The following PLXDC2 variants were observed in gnomAD, a reference collection of about 807,000 sequenced individuals.
PLXDC2 encodes plexin domain containing 2.
Under a neutral mutation model 68.9 loss-of-function variants are expected in PLXDC2, and 40 were observed. That is an observed-to-expected ratio of 0.58 (90% CI 0.45 to 0.76). The LOEUF is 0.76. Ranked by LOEUF, PLXDC2 falls within the 30% of genes least tolerant of loss-of-function variation. The pLI, the probability that PLXDC2 is intolerant of heterozygous loss-of-function variation, is 0.00. For missense variants in PLXDC2, 644 were observed against 661.9 expected, an observed-to-expected ratio of 0.97 and a Z score of 0.30; for synonymous variants, 243 against 234.2, an observed-to-expected ratio of 1.04 and a Z score of -0.34.
At chr10:20,157,574 G>A (rs891785878) in intron 6 of PLXDC2, among the ~76,000 whole-genome samples, 3 of 152,168 alleles carry the variant, frequency 2.0e-5, no homozygotes, top group Admixed American at 2.0e-4. Context: ...AATTGTTTGG[G>A]GTTCCTGTGT....
intron 2 of PLXDC2, among the ~76,000 whole-genome samples, chr10:20,003,346 G>A (rs1371192887): frequency 6.6e-6 from 1 of 152,136 alleles, no homozygotes; most frequent in African/African-American, 2.4e-5. Flanking sequence ...GAAGGTTTTT[G>A]GTGAAAAATA....
chr10:19,916,046 G>A (rs747688942), intron 1 of PLXDC2, among the ~76,000 whole-genome samples: 22 of 151,636 alleles, frequency 1.5e-4, no homozygotes, highest in Non-Finnish European at 2.8e-4. Context: ...CATCTGACTT[G>A]GAAATGCTCT....
chr10:19,980,201 T>A (rs1834529644), intron 1 of PLXDC2, among the ~76,000 whole-genome samples: 1 of 152,218 alleles, frequency 6.6e-6, no homozygotes, highest in Admixed American at 6.5e-5. Context: ...TGACATTTCT[T>A]TTATGCTTAA....
At chr10:20,141,648 A>C (rs1254496021) in intron 4 of PLXDC2, among the ~76,000 whole-genome samples, 1 of 152,062 alleles carries the variant, frequency 6.6e-6, no homozygotes, top group Non-Finnish European at 1.5e-5. Context: ...AGAGGATAGG[A>C]GAAAAAATAG....
At chr10:20,159,626 C>A (rs1158848561) in intron 6 of PLXDC2, among the ~76,000 whole-genome samples, 1 of 152,178 alleles carries the variant, frequency 6.6e-6, no homozygotes, top group Non-Finnish European at 1.5e-5. Context: ...CTTTCTGTAT[C>A]TTTTGGACTA....
chr10:20,069,513 A>C (rs1564303558), intron 4 of PLXDC2, among the ~76,000 whole-genome samples: 1 of 151,960 alleles, frequency 6.6e-6, no homozygotes, highest in Admixed American at 6.6e-5. Context: ...TAAAAAATTA[A>C]CCATGGTGGG....
At chr10:19,972,898 C>A (rs1198535088) in intron 1 of PLXDC2, among the ~76,000 whole-genome samples, 2 of 152,030 alleles carry the variant, frequency 1.3e-5, no homozygotes, top group African/African-American at 4.8e-5. Context: ...TCACTACTTC[C>A]TATCTACATG....
intron 12 of PLXDC2, among the ~76,000 whole-genome samples, chr10:20,227,646 C>G (rs1447930794): frequency 6.6e-6 from 1 of 152,126 alleles, no homozygotes; most frequent in Non-Finnish European, 1.5e-5. Context: ...TGTCAGCATT[C>G]ATAGTCTTTT....
intron 7 of PLXDC2, among the ~76,000 whole-genome samples, chr10:20,170,189 C>T (rs1484189490): frequency 6.6e-6 from 1 of 152,004 alleles, no homozygotes; most frequent in East Asian, 1.9e-4. Context: ...ACAGACTAGG[C>T]ACCACTTTTT....
intron 4 of PLXDC2, among the ~76,000 whole-genome samples, chr10:20,133,671 G>A (rs1488223915): frequency 6.6e-6 from 1 of 152,078 alleles, no homozygotes; most frequent in African/African-American, 2.4e-5. Context: ...TTAATAACAT[G>A]TTTTTGTGAT....
intron 4 of PLXDC2, among the ~76,000 whole-genome samples, chr10:20,107,482 A>C (rs1344156746): frequency 6.6e-6 from 1 of 152,206 alleles, no homozygotes; most frequent in East Asian, 1.9e-4. Flanking sequence ...AAAGGCAGAA[A>C]AAAAGCACCT....
intron 13 of PLXDC2, among the ~76,000 whole-genome samples, chr10:20,272,794 C>T (rs1056098331): frequency 2.0e-5 from 3 of 152,196 alleles, no homozygotes; most frequent in South Asian, 2.1e-4. Flanking sequence ...AGAGTGGGCT[C>T]GCTTACTGTT....
At chr10:20,128,456 G>A (rs1017711733) in intron 4 of PLXDC2, among the ~76,000 whole-genome samples, 6 of 152,002 alleles carry the variant, frequency 3.9e-5, no homozygotes, top group Non-Finnish European at 7.4e-5. Context: ...AACAATTACC[G>A]CTATAAGCTT....
chr10:20,127,963 A>C (rs1833814960), intron 4 of PLXDC2, among the ~76,000 whole-genome samples: 1 of 152,196 alleles, frequency 6.6e-6, no homozygotes, highest in Non-Finnish European at 1.5e-5. Context: ...CCCTGCTAAT[A>C]ATGTAGAGCT....
intron 5 of PLXDC2, among the ~76,000 whole-genome samples, chr10:20,147,171 T>C (rs1834091827): frequency 6.6e-6 from 1 of 152,160 alleles, no homozygotes; most frequent in African/African-American, 2.4e-5. Flanking sequence ...TGAAGTTTCA[T>C]CCCAGTGTGC....
intron 10 of PLXDC2, among the ~76,000 whole-genome samples, chr10:20,213,605 T>G (rs1835098428): frequency 6.6e-6 from 1 of 152,136 alleles, no homozygotes; most frequent in South Asian, 2.1e-4. Flanking sequence ...TACATTAAAT[T>G]ATGAATTAGA....
At chr10:19,855,928 AT>A (rs1432205150) in intron 1 of PLXDC2, among the ~76,000 whole-genome samples, 4 of 152,128 alleles carry the variant, frequency 2.6e-5, no homozygotes, top group Admixed American at 6.5e-5. Context: ...TACTAAAAAA[AT>A]ATACATATAT....
At chr10:20,001,321 G>T (rs1036332469) in intron 1 of PLXDC2, among the ~76,000 whole-genome samples, 3 of 152,156 alleles carry the variant, frequency 2.0e-5, no homozygotes, top group Non-Finnish European at 4.4e-5. Flanking sequence ...TTGCTGTCCA[G>T]CATGAAATAA....
In PLXDC2 at chr10:19,872,407, C is replaced by T. The variant is rs188206001; in HGVS notation, c.112+55216C>T. Among the ~76,000 whole-genome samples, 7 of 152,286 alleles carry T rather than the reference C, an allele frequency of 4.6e-5. No homozygotes were observed. The East Asian group carries it at 5.8e-4, about 13-fold the overall frequency. On this transcript the variant is annotated intron_variant, in intron 1 of 13. Transcript: ENST00000377252. ...TGGCAAATGTAGCAAGAATGAAAAT[C>T]GGGACTGGAAGTCAGTGGCCTCATA...
Sources: gnomAD v4.1 joint callset for allele counts (sites outside exome capture counted in the v4.1 genomes callset) on GRCh38, gnomAD v4.1.1 for gene constraint, MANE v1.5 for transcripts, NCBI Gene and HGNC (gene_info 2026-07-23, HGNC 2026-07-21) for gene names.